Variants in CLOCK observed in about 807,000 individuals in gnomAD.
CLOCK encodes the protein clock circadian regulator, also known as circadian locomoter output cycles protein kaput.
In CLOCK, 43 loss-of-function variants were observed where a neutral mutation model predicts 118.4. The observed-to-expected ratio is 0.36, with a 90% CI of 0.28 to 0.47. The LOEUF (loss-of-function observed/expected upper bound fraction) is 0.47. Ranked by LOEUF, CLOCK falls within the 20% of genes least tolerant of loss-of-function variation. CLOCK has a pLI of 1.00. For synonymous variants in CLOCK, 326 were observed against 339.2 expected (o/e 0.96, Z 0.43); for missense variants, 846 against 999.9 (o/e 0.85, Z 2.08).
chr4:55,446,493 A>C (rs1223113805), intron 18 of CLOCK, among the ~76,000 whole-genome samples: 1 of 152,206 alleles, frequency 6.6e-6, no homozygotes, highest in Non-Finnish European at 1.5e-5. Flanking sequence ...AAAGTTGCAA[A>C]AATCTGACAG....
intron 14 of CLOCK, 180 bp from the exon 15 acceptor site, chr4:55,453,309 C>A: frequency 1.7e-6 from 1 of 591,556 alleles, no homozygotes; most frequent in Non-Finnish European, 3.0e-6. Context: ...TTCTAGGTAT[C>A]TTAAAGTTTC....
At chr4:55,530,774 C>CAAAAA (rs60810379) in intron 1 of CLOCK, among the ~76,000 whole-genome samples, 34 of 33,042 alleles carry the variant, frequency 1.0e-3, no homozygotes, top group African/African-American at 4.4e-3. Flanking sequence ...GACTCCATCG[C>CAAAAA]AAAAAAAAAA....
intron 1 of CLOCK, among the ~76,000 whole-genome samples, chr4:55,535,117 A>C (rs1448344948): frequency 6.6e-6 from 1 of 151,554 alleles, no homozygotes; most frequent in Non-Finnish European, 1.5e-5. Flanking sequence ...TTTTTTGGAG[A>C]GCCAAAGGCC....
At chr4:55,538,179 A>C (rs1296634966) in intron 1 of CLOCK, among the ~76,000 whole-genome samples, 1 of 152,242 alleles carries the variant, frequency 6.6e-6, no homozygotes, top group African/African-American at 2.4e-5. Context: ...TATTATAAGC[A>C]ACTTTTTGCA....
intron 2 of CLOCK, among the ~76,000 whole-genome samples, chr4:55,508,458 T>C (rs1728944256): frequency 6.6e-6 from 1 of 152,172 alleles, no homozygotes; most frequent in African/African-American, 2.4e-5. Context: ...CACTGAGAAT[T>C]GGCATGGACT....
In CLOCK at chr4:55,478,982, T is replaced by C. The variant is rs1157524267; in HGVS notation, c.108-19A>G. On this transcript the variant is annotated intron_variant, in intron 5 of 22. Transcript: ENST00000513440. ...AGATACTCTGATGAAATGAAAAATATGCATTTTTTAAACAATCCATTTAAT... is the reference window on the plus strand; with the variant it reads ...AGATACTCTGATGAAATGAAAAATACGCATTTTTTAAACAATCCATTTAAT... The C allele has an allele frequency of 1.9e-6, 3 of 1,561,318 alleles. No homozygotes were observed. Among genetic ancestry groups the C allele is most frequent in the East Asian group, 2.3e-5 (1 of 43,994 alleles).
At chr4:55,537,330 A>G (rs1003555963) in intron 1 of CLOCK, among the ~76,000 whole-genome samples, 5 of 152,066 alleles carry the variant, frequency 3.3e-5, no homozygotes, top group African/African-American at 9.7e-5. Context: ...AAATTGTAAT[A>G]AACTCTGGCC....
At chr4:55,459,496 T>C (rs1413929876) in intron 9 of CLOCK, among the ~76,000 whole-genome samples, 2 of 152,222 alleles carry the variant, frequency 1.3e-5, no homozygotes, top group Non-Finnish European at 2.9e-5. Flanking sequence ...TTCCCTATTT[T>C]TAGCTACTCA....
At chr4:55,480,014 G>C (rs1726807509) in intron 4 of CLOCK, among the ~76,000 whole-genome samples, 1 of 152,096 alleles carries the variant, frequency 6.6e-6, no homozygotes, top group Admixed American at 6.5e-5. Context: ...CGTATAGAAA[G>C]TCAGTGTTTG....
At chr4:55,500,316 G>T (rs1728351353) in intron 2 of CLOCK, among the ~76,000 whole-genome samples, 1 of 152,030 alleles carries the variant, frequency 6.6e-6, no homozygotes, top group Non-Finnish European at 1.5e-5. Context: ...TATCTAGAGG[G>T]TTTTTGTTGT....
chr4:55,482,633 AT>A, intron 4 of CLOCK, 105 bp downstream of exon 4: 2 of 702,908 alleles, frequency 2.8e-6, no homozygotes, highest in South Asian at 4.0e-5. Context: ...AATAGTAATT[AT>A]GTTTAGGCAT....
In CLOCK at chr4:55,482,838, A is replaced by C. The variant is rs1229061467; in HGVS notation, c.-43-10T>G. On this transcript the variant is annotated splice_polypyrimidine_tract_variant and intron_variant, in intron 3 of 22. Coordinates refer to ENST00000513440, the MANE Select transcript of CLOCK (RefSeq NM_004898.4). ...GACATTTGTACTTCTCCTTAGGTGA[A>C]AAGAAAAATAAATGGTCATTAGTTT... 7.8e-7 allele frequency: 1 copy of C among 1,275,804 alleles called. No homozygotes were observed. The highest frequency in any genetic ancestry group is 1.5e-5 in the African/African-American group (1 of 67,522). The allele number at this position is 1,275,804 out of a possible 1,614,324, so 79.0% of individuals were successfully genotyped here.
At chr4:55,498,053 C>A (rs535702567) in intron 2 of CLOCK, among the ~76,000 whole-genome samples, 4 of 151,060 alleles carry the variant, frequency 2.6e-5, no homozygotes, top group Admixed American at 2.6e-4. Flanking sequence ...CTTAGGAAAT[C>A]GGATTATTAA....
intron 8 of CLOCK, among the ~76,000 whole-genome samples, chr4:55,467,907 G>A (rs1725844573): frequency 6.6e-6 from 1 of 152,130 alleles, no homozygotes; most frequent in South Asian, 2.1e-4. Context: ...TTTTCTGTAT[G>A]AACCAAAGAA....
At chr4:55,533,013 A>T (rs933399742) in intron 1 of CLOCK, among the ~76,000 whole-genome samples, 9 of 152,210 alleles carry the variant, frequency 5.9e-5, no homozygotes, top group African/African-American at 1.9e-4. Context: ...TTTTAAACTG[A>T]AAGAGTTAAT....
At chr4:55,443,929 T>C in intron 19 of CLOCK, 33 bp from the exon 20 acceptor site, 1 of 1,584,698 alleles carries the variant, frequency 6.3e-7, no homozygotes, top group Non-Finnish European at 8.6e-7. Context: ...AAAATGAGCT[T>C]TGTAGATTGA....
chr4:55,546,792 C>CGCG lies in CLOCK; in HGVS notation c.-303_-301dup, dbSNP rs202171252. The CGCG allele has an allele frequency of 2.8e-4, 42 of 151,972 alleles. No individual in the cohort carries two copies. The highest frequency in any genetic ancestry group is 8.5e-4 in the African/African-American group (35 of 41,418). 9.4% of individuals were successfully genotyped at this position (151,972 alleles called of 1,614,324 possible). Reference sequence around the variant, plus strand: ...GCGGGCGCCTCTCACCGGGAGCGCTCGCGGCGGCGGCGGCCAGATTTCCTT... The same window carrying CGCG: ...GCGGGCGCCTCTCACCGGGAGCGCTCGCGGCGGCGGCGGCGGCCAGATTTCCTT... On this transcript the variant is annotated 5_prime_UTR_variant, in exon 1 of 23. Transcript: ENST00000513440.
At chr4:55,453,400 T>C (rs1724642495) in intron 14 of CLOCK, 1 of 485,606 alleles carries the variant, frequency 2.1e-6, no homozygotes, top group Non-Finnish European at 3.6e-6. Flanking sequence ...CTTATCTACC[T>C]ACAGTTTTCC....
chr4:55,528,487 T>C (rs1188742813), intron 1 of CLOCK, among the ~76,000 whole-genome samples: 1 of 152,270 alleles, frequency 6.6e-6, no homozygotes, highest in East Asian at 1.9e-4. Context: ...CACTCATGTT[T>C]GCCGCCCCTC....
Sources: gnomAD v4.1 joint callset for allele counts (sites outside exome capture counted in the v4.1 genomes callset) on GRCh38, gnomAD v4.1.1 for gene constraint, MANE v1.5 for transcripts, NCBI Gene and HGNC (gene_info 2026-07-23, HGNC 2026-07-21) for gene names.